Variants in DIAPH1 observed in about 807,000 individuals in gnomAD.
The protein encoded by DIAPH1 is diaphanous related formin 1.
Under a neutral mutation model 140.7 loss-of-function variants are expected in DIAPH1, and 46 were observed. The observed-to-expected ratio is 0.33, with a 90% CI of 0.26 to 0.42. The LOEUF is 0.42. DIAPH1 is among the 10% of genes least tolerant of loss of function. The pLI is 1.00. For missense variants in DIAPH1, 1,310 were observed against 1,558.7 expected (o/e 0.84, Z 2.69); for synonymous variants, 565 against 551.6 (o/e 1.02, Z -0.34).
At chr5:141,549,210 A>T (rs1162409063) in intron 18 of DIAPH1, among the ~76,000 whole-genome samples, 1 of 152,188 alleles carries the variant, frequency 6.6e-6, no homozygotes, top group East Asian at 1.9e-4. Flanking sequence ...TAGTGGAAGA[A>T]GATGTACTAA....
Position 141,579,122 on chromosome 5 carries a change from T to G in DIAPH1, c.899A>C (p.Asp300Ala), listed in dbSNP as rs2099896374. Reference sequence around the variant, plus strand: ...AATAGTGGTTCCACTTTTTAATCCATCCAGCAGCGGCTGGAAACGTTCCAC... The same window carrying G: ...AATAGTGGTTCCACTTTTTAATCCAGCCAGCAGCGGCTGGAAACGTTCCAC... ...DEVERFQPLL[D>A]GLKSGTTIAL... Residue 300 changes from aspartate (D) to alanine (A), a missense_variant, in exon 9 of 28, where the codon GAT becomes GCT. Coordinates refer to ENST00000389054, the MANE Select transcript of DIAPH1 (RefSeq NM_005219.5). 3.1e-6 allele frequency: 5 copies of G among 1,614,172 alleles called. No homozygotes were observed. In the East Asian group the frequency reaches 1.1e-4, roughly 36 times the overall value.
chr5:141,534,597 T>C, intron 18 of DIAPH1, 164 bp from the exon 19 acceptor site: 1 of 639,262 alleles, frequency 1.6e-6, no homozygotes. Flanking sequence ...CACCCTTTTA[T>C]TACTGAACCT....
At chr5:141,568,635 AATATGTGTAAC>A (rs1443434214) in intron 18 of DIAPH1, among the ~76,000 whole-genome samples, 1 of 152,172 alleles carries the variant, frequency 6.6e-6, no homozygotes, top group Non-Finnish European at 1.5e-5. Context: ...TCTGCTTCAG[AATATGTGTAAC>A]AGGAGACTTT....
intron 18 of DIAPH1, among the ~76,000 whole-genome samples, chr5:141,556,651 T>C (rs2099892630): frequency 6.6e-6 from 1 of 152,242 alleles, no homozygotes; most frequent in South Asian, 2.1e-4. Flanking sequence ...TCTGGCTTTG[T>C]ATCTTCTCAG....
chr5:141,608,839 G>T (rs762794445), intron 1 of DIAPH1, among the ~76,000 whole-genome samples: 11 of 152,172 alleles, frequency 7.2e-5, no homozygotes, highest in African/African-American at 1.2e-4. Flanking sequence ...AGGTCTTTAA[G>T]AATACCAAAC....
In DIAPH1 at chr5:141,588,261, G is replaced by C. The variant is rs1310325260; in HGVS notation, c.118-11C>G. 1 of 1,608,278 alleles carries C rather than the reference G, an allele frequency of 6.2e-7. No individual in the cohort carries two copies. Among genetic ancestry groups the C allele is most frequent in the South Asian group, 1.1e-5 (1 of 90,852 alleles). ...GAGCCGCTTCAGAGTCTAGGAAACA[G>C]GAAAAAGGAGGGAGAAGAAAGAAGA... On this transcript the variant is annotated splice_polypyrimidine_tract_variant and intron_variant, in intron 1 of 27. Transcript: ENST00000389054.
intron 1 of DIAPH1, among the ~76,000 whole-genome samples, chr5:141,600,228 G>A (rs1349080323): frequency 6.6e-6 from 1 of 152,214 alleles, no homozygotes; most frequent in Admixed American, 6.5e-5. Flanking sequence ...CAAAGAAATA[G>A]GAACCTCAGC....
rs1374199986 is a variant in DIAPH1 at position 141,574,127 on chromosome 5, A to G, written c.1723T>C (p.Ser575Pro). ...LSAAAITVPP[S>P]VPSRAPVPPA... ...GGAACAGGAGCACGACTAGGAACAG[A>G]AGGAGGTACAGTAATAGCTGCCGCA... The change falls in exon 16 of 28, where the codon TCT (serine) becomes CCT (proline). Residue 575 changes from serine (S) to proline (P), a missense_variant. Around this residue, in one of 3 missense-constraint regions of DIAPH1, gnomAD observed 589 missense variants for 549.3 expected, o/e 1.07. Transcript: ENST00000389054. 1.2e-6 allele frequency: 2 copies of G among 1,613,912 alleles called. No individual in the cohort carries two copies. The highest frequency in any genetic ancestry group is 2.2e-5 in the East Asian group (1 of 44,886).
At chr5:141,584,319 A>G (rs2099897208) in intron 3 of DIAPH1, 94 bp from the exon 4 acceptor site, 3 of 729,874 alleles carry the variant, frequency 4.1e-6, no homozygotes, top group East Asian at 2.7e-5. Context: ...TGAAGAGTTG[A>G]GCATGTAAAA....
At chr5:141,607,392 T>A (rs2154597249) in intron 1 of DIAPH1, among the ~76,000 whole-genome samples, 1 of 152,350 alleles carries the variant, frequency 6.6e-6, no homozygotes, top group East Asian at 1.9e-4. Context: ...GTATTAAAAT[T>A]GGTAAGGACT....
chr5:141,530,832 T>C (rs952606642), intron 19 of DIAPH1, among the ~76,000 whole-genome samples: 1 of 152,220 alleles, frequency 6.6e-6, no homozygotes, highest in Non-Finnish European at 1.5e-5. Flanking sequence ...AACATTTTCG[T>C]AAGCTTATAG....
rs553454998 is a variant in DIAPH1 at position 141,565,899 on chromosome 5, G to A, written c.2482+5529C>T. 3.9e-5 allele frequency among the ~76,000 whole-genome samples: 6 copies of A among 152,224 alleles called. No homozygotes were observed. Among genetic ancestry groups the A allele is most frequent in the South Asian group, 2.1e-4 (1 of 4,822 alleles). On this transcript the variant is annotated intron_variant, in intron 18 of 27. Transcript: ENST00000389054. The surrounding 1 kb of genome is among the most constrained non-coding windows in gnomAD (Gnocchi z 4.3). Reference sequence around the variant, plus strand: ...CTGTCAAAGGAGGGCCCAGTTTTGTGGTATTCTCCAGCCATGTTCAGTTGC... The same window carrying A: ...CTGTCAAAGGAGGGCCCAGTTTTGTAGTATTCTCCAGCCATGTTCAGTTGC...
At chr5:141,521,990 T>G (rs2099886622) in intron 27 of DIAPH1, among the ~76,000 whole-genome samples, 1 of 152,338 alleles carries the variant, frequency 6.6e-6, no homozygotes, top group South Asian at 2.1e-4. Flanking sequence ...ACAGACAGCA[T>G]CAGAACTAGA....
Position 141,529,694 on chromosome 5 carries a change from A to G in DIAPH1, c.2585T>C (p.Ile862Thr). Residue 862 changes from isoleucine to threonine, a missense_variant, in exon 20 of 28, where the codon ATC becomes ACC. By Grantham distance (89) the Ile-to-Thr change is moderately conservative. Transcript: ENST00000389054. Reference protein sequence around the residue: ...LDSKTAQNLSIFLGSFRMPYQ... With the variant: ...LDSKTAQNLSTFLGSFRMPYQ... ...GGGCATGCGGAAGGAACCCAAAAAG[A>G]TTGCTGCCAGAAAATGAGATATTAA... 6.2e-7 allele frequency: 1 copy of G among 1,613,776 alleles called. No homozygotes were observed. The highest frequency in any genetic ancestry group is 8.5e-7 in the Non-Finnish European group (1 of 1,179,708).
intron 1 of DIAPH1, among the ~76,000 whole-genome samples, chr5:141,611,499 T>G (rs1221547737): frequency 2.0e-5 from 3 of 152,038 alleles, no homozygotes; most frequent in Non-Finnish European, 4.4e-5. Flanking sequence ...AAGGCTGCAG[T>G]GAGCCATGAC....
At chr5:141,574,762 T>C (rs1248528819) in intron 15 of DIAPH1, among the ~76,000 whole-genome samples, 2 of 152,360 alleles carry the variant, frequency 1.3e-5, no homozygotes, top group African/African-American at 4.8e-5. Context: ...AATGTTTTTC[T>C]GTATTTTCCA....
intron 17 of DIAPH1, 56 bp downstream of exon 17, chr5:141,571,870 G>A (rs2099895239): frequency 6.2e-6 from 8 of 1,292,508 alleles, no homozygotes; most frequent in South Asian, 2.4e-5. Context: ...GAAACCTAAT[G>A]AAAAAATATT....
chr5:141,516,733 G>A lies in DIAPH1; in HGVS notation c.*118C>T. The A allele has an allele frequency of 1.8e-6, 2 of 1,084,586 alleles. No individual in the cohort carries two copies. Among genetic ancestry groups the A allele is most frequent in the South Asian group, 1.3e-5 (1 of 76,636 alleles). 67.2% of individuals were successfully genotyped at this position (1,084,586 alleles called of 1,614,324 possible). A position where few individuals can be genotyped will look rare whatever the true frequency, so the allele number is the denominator to read the frequency against. On this transcript the variant is annotated 3_prime_UTR_variant, in exon 28 of 28. Coordinates refer to ENST00000389054, the MANE Select transcript of DIAPH1 (RefSeq NM_005219.5). ...GCAGCAGGCCAGAGAGAAAGACAGG[G>A]TCAGGGTGGTGGGAGTGGCCACCCC...
chr5:141,618,621 CTTCCCGAG>C, intron 1 of DIAPH1, 169 bp downstream of exon 1: 1 of 501,334 alleles, frequency 2.0e-6, no homozygotes, highest in Non-Finnish European at 3.7e-6. Flanking sequence ...GATTCCGGGG[CTTCCCGAG>C]GTCCCGAAGG....
Sources: gnomAD v4.1 joint callset for allele counts (sites outside exome capture counted in the v4.1 genomes callset) on GRCh38, gnomAD v4.1.1 for gene constraint, gnomAD v4.1.1 regional missense constraint, Gnocchi (gnomAD v3.1) non-coding constraint, MANE v1.5 for transcripts, NCBI Gene and HGNC (gene_info 2026-07-23, HGNC 2026-07-21) for gene names.